Variants in LZTS2 observed in about 807,000 individuals in gnomAD.
LZTS2 encodes leucine zipper putative tumor suppressor 2.
LZTS2 carries 32 observed loss-of-function variants against 60.6 expected under a neutral mutation model. That is an observed-to-expected ratio of 0.53 (90% CI 0.40 to 0.71). The LOEUF (loss-of-function observed/expected upper bound fraction) is 0.71. LZTS2 is among the 30% of genes least tolerant of loss of function. The probability of loss-of-function intolerance (pLI) is 0.00; values close to 1 mark genes in which losing one functional copy is unlikely to be tolerated. For missense variants in LZTS2, 792 were observed against 901.9 expected (o/e 0.88, Z 1.56); for synonymous variants, 360 against 393.1 (o/e 0.92, Z 1.00).
At chr10:101,002,974 T>C in intron 1 of LZTS2, 28 bp downstream of exon 2, 6 of 1,581,702 alleles carry the variant, frequency 3.8e-6, no homozygotes, top group Non-Finnish European at 5.2e-6. Flanking sequence ...CTTGTGGGCC[T>C]GGGTAGAACG....
At chr10:101,004,545 A>G (rs1852127658) in intron 2 of LZTS2, among the ~76,000 whole-genome samples, 2 of 152,210 alleles carry the variant, frequency 1.3e-5, no homozygotes, top group South Asian at 4.1e-4. Flanking sequence ...GGAGGTTACA[A>G]TGGACTGACA....
chr10:101,006,356 T>C (rs1852194845), intron 3 of LZTS2, 129 bp from the exon 5 acceptor site: 1 of 1,428,954 alleles, frequency 7.0e-7, no homozygotes. Context: ...AGACTTGCTT[T>C]AGTGTCTCCA....
At chr10:101,001,406 TACAC>T (rs1225758999) in exon 1 of LZTS2, 9 of 152,290 alleles carry the variant, frequency 5.9e-5, no homozygotes, top group Admixed American at 5.9e-4. Flanking sequence ...CACATTTTCA[TACAC>T]ACGTGTTCAT....
At chr10:101,003,418 G>A in intron 1 of LZTS2, 89 bp from the exon 3 acceptor site, 1 of 1,378,546 alleles carries the variant, frequency 7.3e-7, no homozygotes, top group Non-Finnish European at 9.7e-7. Context: ...ATGGGCACTG[G>A]GGACCCAAGA....
At chr10:101,007,764 T>C in exon 4 of LZTS2, 2 of 558,296 alleles carry the variant, frequency 3.6e-6, no homozygotes, top group Non-Finnish European at 4.6e-6. Flanking sequence ...TTCACTTGTA[T>C]ATTTTTCACA....
rs569175107 is a variant in LZTS2, at chr10:101,007,374, C to T, written c.*206C>T. ...CAAGATCAGACCGCTCAAAGGTCCC[C>T]GTGTTCACTGTTACCCAGAGGCTCT... On this transcript the variant is annotated 3_prime_UTR_variant, in exon 4 of 4. Coordinates refer to ENST00000370220, the Ensembl canonical transcript of LZTS2. 41 of 1,418,158 alleles carry T rather than the reference C, an allele frequency of 2.9e-5. No homozygotes were observed. In the African/African-American group the frequency reaches 3.9e-4, roughly 14 times the overall value. The allele number at this position is 1,418,158 out of a possible 1,614,324, so 87.8% of individuals were successfully genotyped here. A position where few individuals can be genotyped will look rare whatever the true frequency, so the allele number is the denominator to read the frequency against.
At position 101,005,530 on chromosome 10, in the gene LZTS2, C is replaced by T. The variant is rs1428923799; in HGVS notation, c.1141C>T (p.Gln381Ter). 1 of 1,606,074 alleles carries T rather than the reference C, an allele frequency of 6.2e-7. No individual in the cohort carries two copies. The change falls in exon 3 of 4, where the codon CAG becomes TAG. Residue 381 changes from glutamine (Q) to a stop codon, truncating the protein, a stop_gained. Coordinates refer to ENST00000370220, the Ensembl canonical transcript of LZTS2. LOFTEE classifies it high-confidence loss of function. ...GCGAGAGGACTGTGCGGCCCAGGCA[C>T]AGCGGGCACAGCGGGCCCAACAGCT...
At chr10:101,004,651 A>ATTC (rs1852130514) in intron 2 of LZTS2, among the ~76,000 whole-genome samples, 1 of 152,164 alleles carries the variant, frequency 6.6e-6, no homozygotes, top group South Asian at 2.1e-4. Flanking sequence ...GAGTGCATGG[A>ATTC]TTCAAACCTC....
upstream of LZTS2, chr10:100,997,032 G>C (rs1156949385): frequency 3.3e-5 from 5 of 152,546 alleles, no homozygotes; most frequent in East Asian, 9.6e-4. Context: ...CTCCCTGGGT[G>C]GGGGGCGCGG....
chr10:101,007,022 A>T, exon 4 of LZTS2: 1 of 1,581,158 alleles, frequency 6.3e-7, no homozygotes, highest in Non-Finnish European at 8.6e-7. Context: ...GCACAACTAC[A>T]TCCAGATGTA....
At chr10:101,002,394 G>A (rs979394557) in exon 1 of LZTS2, 1 of 692,626 alleles carries the variant, frequency 1.4e-6, no homozygotes, top group Admixed American at 3.6e-5. Context: ...TCTTGGTGGG[G>A]ATCAGGGCTT....
chr10:101,003,404 A>T (rs1852089009), intron 1 of LZTS2, 103 bp from the exon 3 acceptor site: 2 of 1,255,996 alleles, frequency 1.6e-6, no homozygotes, highest in Non-Finnish European at 2.2e-6. Flanking sequence ...ATTGTTATGA[A>T]TATATGGGCA....
intron 3 of LZTS2, 145 bp downstream of exon 4, chr10:101,005,860 C>T: frequency 8.5e-7 from 1 of 1,179,480 alleles, no homozygotes; most frequent in Non-Finnish European, 1.1e-6. Flanking sequence ...CCCTCTGTCC[C>T]TTTCTGGGAG....
intron 3 of LZTS2, 123 bp from the exon 5 acceptor site, chr10:101,006,362 C>T: frequency 1.4e-6 from 2 of 1,435,274 alleles, no homozygotes; most frequent in African/African-American, 1.4e-5. Flanking sequence ...GCTTTAGTGT[C>T]TCCATCTGTA....
chr10:101,005,055 G>A (rs1852141264), intron 2 of LZTS2, among the ~76,000 whole-genome samples: 7 of 152,122 alleles, frequency 4.6e-5, no homozygotes, highest in Admixed American at 4.6e-4. Flanking sequence ...CCAGGCTAGA[G>A]AGCAGTGGCG....
In LZTS2 at chr10:101,006,844, G is replaced by A. The variant is rs1474386101; in HGVS notation, c.1686G>A (p.Arg562=). 5.9e-6 allele frequency: 9 copies of A among 1,537,172 alleles called. No individual in the cohort carries two copies. The Middle Eastern group carries it at 5.7e-4, about 97-fold the overall frequency. Reference sequence around the variant, plus strand: ...AGAGTGATGAGGCCAAAGTGCAGCGGGCAGCAGCCGGGGTTGGGGGCAGCT... The same window carrying A: ...AGAGTGATGAGGCCAAAGTGCAGCGAGCAGCAGCCGGGGTTGGGGGCAGCT... The change falls in exon 4 of 4, where the codon CGG becomes CGA. Residue 562 remains arginine, a synonymous_variant. Coordinates refer to ENST00000370220, the Ensembl canonical transcript of LZTS2.
chr10:100,999,682 A>C (rs1213965722), exon 1 of LZTS2: 3 of 151,994 alleles, frequency 2.0e-5, no homozygotes, highest in Non-Finnish European at 2.9e-5. Flanking sequence ...GATTCGCGTG[A>C]CGCGGGTGCT....
exon 4 of LZTS2, chr10:101,007,398 C>A (rs14177): frequency 7.0e-7 from 1 of 1,423,380 alleles, no homozygotes; most frequent in Non-Finnish European, 9.2e-7. Context: ...CCCAGAGGCT[C>A]TTGTTACTAC....
chr10:101,005,409 G>A, intron 2 of LZTS2, 49 bp from the exon 4 acceptor site: 1 of 1,504,416 alleles, frequency 6.6e-7, no homozygotes, highest in Non-Finnish European at 8.9e-7. Context: ...ACACTGAGTG[G>A]GGAGTTGGGA....
Sources: allele counts gnomAD v4.1 joint callset (sites outside exome capture counted in the v4.1 genomes callset), GRCh38; gene constraint gnomAD v4.1.1; transcripts MANE v1.5; gene names NCBI Gene and HGNC (gene_info 2026-07-23, HGNC 2026-07-21).